Variants in PPHLN1 observed in about 807,000 individuals in gnomAD.
PPHLN1 encodes the protein periphilin 1, also known as periphilin-1.
Under a neutral mutation model 51.3 loss-of-function variants are expected in PPHLN1, and 29 were observed. That is an observed-to-expected ratio of 0.57 (90% CI 0.42 to 0.77). PPHLN1 has a LOEUF of 0.77. Among genes scored for constraint, PPHLN1 ranks in the 30% least tolerant of loss-of-function variants. The probability of loss-of-function intolerance (pLI) is 0.00; values close to 1 mark genes in which losing one functional copy is unlikely to be tolerated. For synonymous variants in PPHLN1, 147 were observed against 147.8 expected (o/e 0.99, Z 0.04); for missense variants, 436 against 438.4 (o/e 0.99, Z 0.05).
chr12:42,332,183 A>C lies in PPHLN1; in HGVS notation c.-20-3700A>C, dbSNP rs541333238. 7.2e-5 allele frequency among the ~76,000 whole-genome samples: 11 copies of C among 152,258 alleles called. No homozygotes were observed. In the East Asian group the frequency reaches 1.7e-3, roughly 24 times the overall value. On this transcript the variant is annotated intron_variant, in intron 1 of 9. Transcript: ENST00000358314. ...TGCCCCACTGCATTCCCGCCTGGGC[A>C]ACAGAGTGAGACCTTGTCTAAGGAA...
At position 42,349,699 on chromosome 12, in the gene PPHLN1, T is replaced by C. The variant is rs569036484; in HGVS notation, c.73-2186T>C. ...TTTAACCCTGAGTTGACACAGCACA[T>C]GTTTCAGAGAGCACGGGGTTGGGGG... On this transcript the variant is annotated intron_variant, in intron 2 of 9. Transcript: ENST00000358314. Among the ~76,000 whole-genome samples, 90 of 152,206 alleles carry C rather than the reference T, an allele frequency of 5.9e-4. 4 individuals carry two copies. In the East Asian group the frequency reaches 0.017, roughly 29 times the overall value.
chr12:42,423,113 T>C (rs1274701551), intron 9 of PPHLN1, among the ~76,000 whole-genome samples: 2 of 152,174 alleles, frequency 1.3e-5, no homozygotes, highest in East Asian at 3.8e-4. Context: ...CTTAATATCA[T>C]TTGAGAAGTC....
At chr12:42,407,378 C>T (rs1204317148) in intron 9 of PPHLN1, among the ~76,000 whole-genome samples, 2 of 152,224 alleles carry the variant, frequency 1.3e-5, no homozygotes, top group African/African-American at 4.8e-5. Context: ...TGGTTCCTTT[C>T]CTTGCCATAT....
chr12:42,439,320 T>TA (rs1339073805), intron 9 of PPHLN1, among the ~76,000 whole-genome samples: 1 of 152,242 alleles, frequency 6.6e-6, no homozygotes, highest in East Asian at 1.9e-4. Context: ...GTCTTGAACG[T>TA]AACTGTCAAG....
intron 9 of PPHLN1, among the ~76,000 whole-genome samples, chr12:42,405,648 A>T (rs1476356415): frequency 6.6e-6 from 1 of 151,472 alleles, no homozygotes; most frequent in South Asian, 2.1e-4. Context: ...AATATATGTT[A>T]TTTCTGTTTT....
At position 42,351,994 on chromosome 12, in the gene PPHLN1, A is replaced by G. The variant is rs775399067; in HGVS notation, c.182A>G (p.Tyr61Cys). 8 of 1,568,338 alleles carry G rather than the reference A, an allele frequency of 5.1e-6. No homozygotes were observed. The highest frequency in any genetic ancestry group is 2.4e-5 in the South Asian group (2 of 82,138). Residue 61 changes from tyrosine to cysteine, a missense_variant, in exon 3 of 10, where the codon TAT becomes TGT. By Grantham distance (194) the Tyr-to-Cys change is radical. Transcript: ENST00000358314. ...RYYSHVDYRD[Y>C]DEGRSFSHDR... The stretch of plus-strand genomic sequence containing the variant: ...TACAGTCATGTTGATTACCGAGACT[A>G]TGACGAGGGCCGCAGTTTTTCTCAT...
intron 8 of PPHLN1, among the ~76,000 whole-genome samples, chr12:42,396,649 G>T (rs1325920501): frequency 1.5e-5 from 1 of 65,284 alleles, no homozygotes; most frequent in Non-Finnish European, 3.7e-5. Flanking sequence ...AAAAAAAAAA[G>T]CTGGGTGTGG....
At position 42,355,242 on chromosome 12, in the gene PPHLN1, A is replaced by G; in HGVS notation, c.299+20A>G. ...ATACAGGTAAAAGGATAAAAATAAT[A>G]GCATAAGTACTTTGATACTTGACTC... On this transcript the variant is annotated intron_variant, in intron 4 of 9. Coordinates refer to ENST00000358314, the MANE Select transcript of PPHLN1 (RefSeq NM_201439.2). The G allele has an allele frequency of 2.5e-6, 4 of 1,602,046 alleles. No individual in the cohort carries two copies. The South Asian group carries it at 4.4e-5, about 18-fold the overall frequency.
At chr12:42,349,278 C>G (rs1424268187) in intron 2 of PPHLN1, among the ~76,000 whole-genome samples, 1 of 152,156 alleles carries the variant, frequency 6.6e-6, no homozygotes, top group Non-Finnish European at 1.5e-5. Flanking sequence ...ACTTTGCATT[C>G]CATTTCTCAT....
In PPHLN1 at chr12:42,360,862, C is replaced by G. The variant is rs564316140; in HGVS notation, c.299+5640C>G. ...CCTTATTGGTATAGTTGACTTTTAT[C>G]ACTTGTTTAAGATGGAGTCTGCAAA... On this transcript the variant is annotated intron_variant, in intron 4 of 9. Coordinates refer to ENST00000358314, the MANE Select transcript of PPHLN1 (RefSeq NM_201439.2). 7.9e-5 allele frequency among the ~76,000 whole-genome samples: 12 copies of G among 152,168 alleles called. 1 individual carries two copies. The South Asian group carries it at 2.5e-3, about 32-fold the overall frequency.
At chr12:42,381,229 A>G (rs768098961) in intron 5 of PPHLN1, among the ~76,000 whole-genome samples, 9 of 152,232 alleles carry the variant, frequency 5.9e-5, no homozygotes, top group Non-Finnish European at 1.0e-4. Context: ...AGCTTTGGCT[A>G]TGAGTTTTCT....
intron 9 of PPHLN1, chr12:42,399,749 G>A (rs1475510361): frequency 6.6e-6 from 1 of 152,220 alleles, no homozygotes; most frequent in African/African-American, 2.4e-5. Flanking sequence ...ATGTGACCGT[G>A]TAGCTTATGT....
intron 9 of PPHLN1, chr12:42,433,248 C>A: frequency 1.4e-6 from 1 of 719,904 alleles, no homozygotes; most frequent in South Asian, 1.4e-5. Context: ...TACTTCATCT[C>A]CTTCACTAAT....
At position 42,335,921 on chromosome 12, in the gene PPHLN1, T is replaced by A; in HGVS notation, c.19T>A (p.Tyr7Asn). ...AGACGAAATGTGGTCTGAGGGACGA[T>A]ATGAATATGAAAGAATTCCGAGAGA... MWSEGR[Y>N]EYERIPRERA... Residue 7 changes from tyrosine (Y) to asparagine (N), a missense_variant, in exon 2 of 10, where the codon TAT becomes AAT. Coordinates refer to ENST00000358314, the MANE Select transcript of PPHLN1 (RefSeq NM_201439.2). 6.3e-7 allele frequency: 1 copy of A among 1,587,490 alleles called. No individual in the cohort carries two copies. Among genetic ancestry groups the A allele is most frequent in the Non-Finnish European group, 8.6e-7 (1 of 1,165,414 alleles).
rs138227363 is a variant in PPHLN1 at position 42,342,485 on chromosome 12, A to C, written c.72+6511A>C. On this transcript the variant is annotated intron_variant, in intron 2 of 9. Coordinates refer to ENST00000358314, the MANE Select transcript of PPHLN1 (RefSeq NM_201439.2). ...GTTCCAGCTTCTTAGCCTGTTGGAG[A>C]ACAGTTAGGTAATATGGAACATTTT... Among the ~76,000 whole-genome samples the C allele has an allele frequency of 5.3e-3, 812 of 152,348 alleles. 5 individuals are homozygous for C. Among genetic ancestry groups the C allele is most frequent in the Middle Eastern group, 0.037 (11 of 294 alleles).
At chr12:42,431,132 G>A (rs2082001772) in intron 9 of PPHLN1, among the ~76,000 whole-genome samples, 1 of 152,190 alleles carries the variant, frequency 6.6e-6, no homozygotes, top group African/African-American at 2.4e-5. Context: ...GCAGATGAGA[G>A]TTTAATAAAT....
chr12:42,355,863 T>G (rs2073996632), intron 4 of PPHLN1, among the ~76,000 whole-genome samples: 2 of 152,212 alleles, frequency 1.3e-5, no homozygotes, highest in Non-Finnish European at 2.9e-5. Context: ...ATTTGATAGG[T>G]TTGCTTAATT....
intron 6 of PPHLN1, 174 bp from the exon 7 acceptor site, chr12:42,387,282 G>A: frequency 1.7e-6 from 1 of 592,680 alleles, no homozygotes; most frequent in Non-Finnish European, 2.7e-6. Flanking sequence ...ATTGTTGATG[G>A]TGCTTAGCCT....
At chr12:42,402,804 TTTC>T (rs1421980697) in intron 9 of PPHLN1, among the ~76,000 whole-genome samples, 1 of 152,218 alleles carries the variant, frequency 6.6e-6, no homozygotes, top group African/African-American at 2.4e-5. Context: ...CAGAGCAGGT[TTTC>T]TTCCGTAGAT....
Sources: gnomAD v4.1 joint callset for allele counts (sites outside exome capture counted in the v4.1 genomes callset) on GRCh38, gnomAD v4.1.1 for gene constraint, MANE v1.5 for transcripts, NCBI Gene and HGNC (gene_info 2026-07-23, HGNC 2026-07-21) for gene names.